PRICKLE2: variants seen among roughly 807,000 people sequenced by gnomAD.
PRICKLE2 encodes the protein prickle-like protein 2.
PRICKLE2 carries 21 observed loss-of-function variants against 81.4 expected under a neutral mutation model. The ratio of observed to expected loss-of-function variants is 0.26; its 90% confidence interval spans 0.18 to 0.37. The LOEUF is 0.37. Ranked by LOEUF, PRICKLE2 falls within the 10% of genes least tolerant of loss-of-function variation. PRICKLE2 has a pLI of 1.00. For missense variants in PRICKLE2, 940 were observed against 1,109.0 expected (o/e 0.85, Z 2.16); for synonymous variants, 456 against 421.5 (o/e 1.08, Z -1.00).
intron 2 of PRICKLE2, among the ~76,000 whole-genome samples, chr3:64,253,879 A>G (rs2079486315): frequency 6.6e-6 from 1 of 152,204 alleles, no homozygotes; most frequent in African/African-American, 2.4e-5. Context: ...CAGTGTCATG[A>G]GAGGAGTTTC....
intron 1 of PRICKLE2, among the ~76,000 whole-genome samples, chr3:64,211,931 G>C (rs1251552618): frequency 6.6e-6 from 1 of 152,212 alleles, no homozygotes; most frequent in Non-Finnish European, 1.5e-5. Context: ...CTGTCACTGA[G>C]ATGTTGACAG....
chr3:64,206,622 C>G (rs796643077), intron 1 of PRICKLE2, among the ~76,000 whole-genome samples: 2 of 152,162 alleles, frequency 1.3e-5, no homozygotes, highest in South Asian at 4.1e-4. Context: ...TGTCCCAAGT[C>G]CATGGCTAGA....
Position 64,163,152 on chromosome 3 carries a change from A to G in PRICKLE2, c.145-23T>C, listed in dbSNP as rs141621994. ...TACCTGAAGGACAGAAAGCATATAG[A>G]TGACTTGCCCATTACTCAAACCATG... On this transcript the variant is annotated intron_variant, in intron 2 of 7. Coordinates refer to ENST00000638394, the MANE Select transcript of PRICKLE2 (RefSeq NM_198859.4). 2.0e-4 allele frequency: 278 copies of G among 1,399,106 alleles called. 1 individual carries two copies. In the African/African-American group the frequency reaches 3.7e-3, roughly 19 times the overall value. 86.7% of individuals were successfully genotyped at this position (1,399,106 alleles called of 1,614,324 possible).
chr3:64,158,475 C>T (rs1272862985), intron 4 of PRICKLE2, among the ~76,000 whole-genome samples: 1 of 152,192 alleles, frequency 6.6e-6, no homozygotes, highest in Admixed American at 6.5e-5. Flanking sequence ...CTATAGATGA[C>T]AAAACCAAGG....
chr3:64,168,760 C>A (rs531490840), intron 2 of PRICKLE2, among the ~76,000 whole-genome samples: 4 of 152,256 alleles, frequency 2.6e-5, no homozygotes, highest in East Asian at 1.9e-4. Context: ...GAAGAAAAAA[C>A]CAAATCATAC....
Position 64,213,911 on chromosome 3 carries a change from G to A in PRICKLE2, c.-41+10999C>T, listed in dbSNP as rs561595620. ...TACCTTTTGGCAGCCCCTCCAGACT[G>A]GCTGCACTGGTCCCTTAATCCATGT... On this transcript the variant is annotated intron_variant, in intron 1 of 7. Coordinates refer to ENST00000638394, the MANE Select transcript of PRICKLE2 (RefSeq NM_198859.4). Among the ~76,000 whole-genome samples, 10 of 152,254 alleles carry A rather than the reference G, an allele frequency of 6.6e-5. No homozygotes were observed. In the South Asian group the frequency reaches 2.1e-3, roughly 32 times the overall value.
intron 2 of PRICKLE2, among the ~76,000 whole-genome samples, chr3:64,247,963 G>C (rs2079383173): frequency 6.6e-6 from 1 of 152,014 alleles, no homozygotes; most frequent in Non-Finnish European, 1.5e-5. Context: ...TCTTTAGAAG[G>C]GTCAGAAAAA....
rs189235197 is a variant in PRICKLE2, at chr3:64,096,917, T to C, written c.*2134A>G. The C allele has an allele frequency of 6.5e-6, 1 of 152,744 alleles. No individual in the cohort carries two copies. The highest frequency in any genetic ancestry group is 1.9e-4 in the East Asian group (1 of 5,182). 9.5% of individuals were successfully genotyped at this position (152,744 alleles called of 1,614,324 possible). A position where few individuals can be genotyped will look rare whatever the true frequency, so the allele number is the denominator to read the frequency against. ...CCCCTCTCTTTTTCCAAAATTGCCT[T>C]TTTAGTTTCATCAATCAAGGAACTT... On this transcript the variant is annotated 3_prime_UTR_variant, in exon 8 of 8. Coordinates refer to ENST00000638394, the MANE Select transcript of PRICKLE2 (RefSeq NM_198859.4).
chr3:64,159,930 C>T lies in PRICKLE2; in HGVS notation c.396+10G>A. On this transcript the variant is annotated intron_variant, in intron 4 of 7. Transcript: ENST00000638394. ...ACAATGCCTCTTCACTCCCCTGAAT[C>T]CATGCTTACCTGTTCACAAATAGCT... 5.6e-6 allele frequency: 9 copies of T among 1,614,112 alleles called. No individual in the cohort carries two copies. Among genetic ancestry groups the T allele is most frequent in the Non-Finnish European group, 7.6e-6 (9 of 1,180,010 alleles).
chr3:64,224,650 C>T (rs772725800), intron 1 of PRICKLE2, among the ~76,000 whole-genome samples: 15 of 152,212 alleles, frequency 9.9e-5, no homozygotes, highest in South Asian at 4.1e-4. Context: ...TTTAGAGAAA[C>T]GCTGCTTCTT....
rs759005974 is a variant in PRICKLE2 at position 64,245,098 on chromosome 3, C to T, written c.129-46131G>A. On this transcript the variant is annotated intron_variant, in intron 2 of 8. Transcript: ENST00000295902. Reference sequence around the variant, plus strand: ...GTAAGAAGCACAGAAAATTTCAAGCCGATTTTTCTAAGAGAAAAAATGTGT... The same window carrying T: ...GTAAGAAGCACAGAAAATTTCAAGCTGATTTTTCTAAGAGAAAAAATGTGT... 1.7e-4 allele frequency among the ~76,000 whole-genome samples: 26 copies of T among 152,032 alleles called. 1 individual carries two copies. Among genetic ancestry groups the T allele is most frequent in the Admixed American group, 1.4e-3 (22 of 15,256 alleles).
In PRICKLE2 at chr3:64,094,456, A is replaced by T. The variant is rs886058782; in HGVS notation, c.*4595T>A. On this transcript the variant is annotated 3_prime_UTR_variant, in exon 8 of 8. Transcript: ENST00000638394. The stretch of plus-strand genomic sequence containing the variant: ...GAACAAGCAGATTTTTCTCTATCCT[A>T]TGGATTCATCGTATTCAAAACACAG... The T allele has an allele frequency of 3.9e-5, 6 of 152,338 alleles. No homozygotes were observed. Among genetic ancestry groups the T allele is most frequent in the South Asian group, 4.1e-4 (2 of 4,826 alleles). The allele number at this position is 152,338 out of a possible 1,614,324, so 9.4% of individuals were successfully genotyped here. A position where few individuals can be genotyped will look rare whatever the true frequency, so the allele number is the denominator to read the frequency against.
In PRICKLE2 at chr3:64,222,804, C is replaced by T. The variant is rs544753258; in HGVS notation, c.-41+2106G>A. Among the ~76,000 whole-genome samples, 5 of 152,308 alleles carry T rather than the reference C, an allele frequency of 3.3e-5. No homozygotes were observed. The East Asian group carries it at 9.6e-4, about 29-fold the overall frequency. On this transcript the variant is annotated intron_variant, in intron 1 of 7. Coordinates refer to ENST00000638394, the MANE Select transcript of PRICKLE2 (RefSeq NM_198859.4). ...ATTAAGAAAGAAAAGGACTGTCTCT[C>T]ACATGCATAGGTGAAGCAGAAGAGA...
Position 64,159,971 on chromosome 3 carries a change from G to A in PRICKLE2, c.365C>T (p.Pro122Leu). ...ACAAATAGCTCCTGTCATGGTGACT[G>A]GGAAAGGCCTGACATTCCCGCGGCC... Reference protein sequence around the residue: ...NLGRGNVRPFPVTMTGAICEQ... With the variant: ...NLGRGNVRPFLVTMTGAICEQ... The change falls in exon 4 of 8, where the codon CCA becomes CTA. Residue 122 changes from proline to leucine, a missense_variant. Physicochemically the swap from Pro to Leu is moderately conservative, Grantham distance 98. Around this residue, in one of 2 missense-constraint regions of PRICKLE2, gnomAD observed 270 missense variants for 391.8 expected, o/e 0.69. Transcript: ENST00000638394. The A allele has an allele frequency of 6.2e-7, 1 of 1,614,140 alleles. No individual in the cohort carries two copies. Among genetic ancestry groups the A allele is most frequent in the Non-Finnish European group, 8.5e-7 (1 of 1,180,022 alleles).
At position 64,249,125 on chromosome 3, in the gene PRICKLE2, T is replaced by C. The variant is rs552022929; in HGVS notation, c.129-50158A>G. Among the ~76,000 whole-genome samples, 3 of 152,316 alleles carry C rather than the reference T, an allele frequency of 2.0e-5. No homozygotes were observed. In the East Asian group the frequency reaches 5.8e-4, roughly 29 times the overall value. On this transcript the variant is annotated intron_variant, in intron 2 of 8. Transcript: ENST00000295902. ...AATTTATGAAGAAAAGAGGTTTAAT[T>C]GGCTCTTGGTTCTGCAGGCTTAACA... is the stretch of plus-strand genomic sequence containing the variant.
intron 1 of PRICKLE2, among the ~76,000 whole-genome samples, chr3:64,215,670 A>G (rs928801007): frequency 6.6e-6 from 1 of 152,222 alleles, no homozygotes; most frequent in African/African-American, 2.4e-5. Context: ...ATGTGATTCA[A>G]CTACATGACG....
At chr3:64,118,019 A>G (rs1431670860) in intron 7 of PRICKLE2, among the ~76,000 whole-genome samples, 1 of 152,224 alleles carries the variant, frequency 6.6e-6, no homozygotes, top group Admixed American at 6.5e-5. Flanking sequence ...AGACCAATGG[A>G]ACAGAATAGG....
chr3:64,248,191 T>C (rs2079388234), intron 2 of PRICKLE2, among the ~76,000 whole-genome samples: 1 of 152,186 alleles, frequency 6.6e-6, no homozygotes, highest in Non-Finnish European at 1.5e-5. Flanking sequence ...TTTTTGTGAG[T>C]CATTCTCACT....
At chr3:64,265,785 C>T (rs1028276259) in intron 2 of PRICKLE2, among the ~76,000 whole-genome samples, 9 of 152,214 alleles carry the variant, frequency 5.9e-5, no homozygotes, top group Admixed American at 5.9e-4. Context: ...CATTCCTCGA[C>T]ACATCTGTGT....
Sources: allele counts gnomAD v4.1 joint callset (sites outside exome capture counted in the v4.1 genomes callset), GRCh38; gene constraint gnomAD v4.1.1; regional missense constraint gnomAD v4.1.1; transcripts MANE v1.5; gene names NCBI Gene and HGNC (gene_info 2026-07-23, HGNC 2026-07-21).